The following TIAM1 variants were observed in gnomAD, a reference collection of about 807,000 sequenced individuals.
TIAM1 encodes the protein rho guanine nucleotide exchange factor TIAM1.
In TIAM1, 65 loss-of-function variants were observed where a neutral mutation model predicts 163.5. That is an observed-to-expected ratio of 0.40 (90% CI 0.33 to 0.49). The LOEUF (loss-of-function observed/expected upper bound fraction) is 0.49. Ranked by LOEUF, TIAM1 falls within the 20% of genes least tolerant of loss-of-function variation. The pLI, the probability that TIAM1 is intolerant of heterozygous loss-of-function variation, is 0.77. For synonymous variants in TIAM1, 833 were observed against 810.1 expected (o/e 1.03, Z -0.48); for missense variants, 1,789 against 2,044.7 (o/e 0.87, Z 2.41).
chr21:31,451,549 G>A (rs191102023), intron 2 of TIAM1, among the ~76,000 whole-genome samples: 59 of 152,206 alleles, frequency 3.9e-4, no homozygotes, highest in East Asian at 3.3e-3. Flanking sequence ...GAGCAAATGC[G>A]GTGGCTTGGG....
At chr21:31,229,274 T>C (rs1010899095) in intron 6 of TIAM1, among the ~76,000 whole-genome samples, 1 of 152,062 alleles carries the variant, frequency 6.6e-6, no homozygotes, top group Non-Finnish European at 1.5e-5. Context: ...GGTGCTGGTG[T>C]ATGACAGGGG....
At chr21:31,372,391 GCTGAAAAGGTTTGAA>G (rs1272091978) in intron 2 of TIAM1, among the ~76,000 whole-genome samples, 1 of 152,160 alleles carries the variant, frequency 6.6e-6, no homozygotes, top group African/African-American at 2.4e-5. Context: ...CCACTGTTAA[GCTGAAAAGGTTTGAA>G]CTGAGTGCCC....
intron 1 of TIAM1, among the ~76,000 whole-genome samples, chr21:31,515,882 C>T (rs897406342): frequency 1.3e-5 from 2 of 151,952 alleles, no homozygotes; most frequent in Non-Finnish European, 1.5e-5. Flanking sequence ...CCAAGGCAGG[C>T]GGATCACCTG....
At chr21:31,304,460 A>G (rs2074618955) in intron 2 of TIAM1, among the ~76,000 whole-genome samples, 1 of 152,238 alleles carries the variant, frequency 6.6e-6, no homozygotes, top group African/African-American at 2.4e-5. Flanking sequence ...GCTGCTTTTA[A>G]GAAATCCATC....
At chr21:31,256,745 C>T (rs897088826) in intron 4 of TIAM1, among the ~76,000 whole-genome samples, 10 of 152,108 alleles carry the variant, frequency 6.6e-5, no homozygotes, top group African/African-American at 2.4e-4. Flanking sequence ...CAATCCATGC[C>T]TCAATTTCTT....
rs563675437 is a variant in TIAM1 at position 31,340,940 on chromosome 21, G to A, written c.-368-1518C>T. On this transcript the variant is annotated intron_variant, in intron 1 of 27. Coordinates refer to ENST00000541036, the MANE Select transcript of TIAM1 (RefSeq NM_001353694.2). ...AAGAAATGGTAAGATAATCAACTAG[G>A]AAAACAAGATAAAAATACTGAAAAT... Among the ~76,000 whole-genome samples the A allele has an allele frequency of 8.5e-5, 13 of 152,070 alleles. No individual in the cohort carries two copies. In the East Asian group the frequency reaches 1.5e-3, roughly 18 times the overall value.
At chr21:31,189,215 CA>C (rs979102645) in intron 13 of TIAM1, among the ~76,000 whole-genome samples, 15 of 151,640 alleles carry the variant, frequency 9.9e-5, no homozygotes, top group African/African-American at 3.4e-4. Flanking sequence ...CCACCACACT[CA>C]GCTAATTTTT....
At chr21:31,373,706 G>A (rs1228300900) in intron 2 of TIAM1, among the ~76,000 whole-genome samples, 2 of 152,074 alleles carry the variant, frequency 1.3e-5, no homozygotes, top group Non-Finnish European at 2.9e-5. Context: ...GATGAGAGAA[G>A]AGTAATAAGC....
At chr21:31,174,006 G>A (rs1390909164) in intron 15 of TIAM1, among the ~76,000 whole-genome samples, 4 of 152,154 alleles carry the variant, frequency 2.6e-5, no homozygotes, top group African/African-American at 4.8e-5. Flanking sequence ...TACGAGGCGC[G>A]CGTGTCTCCA....
intron 2 of TIAM1, among the ~76,000 whole-genome samples, chr21:31,358,507 C>T (rs73193776): frequency 1.3e-5 from 2 of 152,318 alleles, no homozygotes; most frequent in Admixed American, 6.5e-5. Context: ...CGTACACCCT[C>T]TGGGTATCTT....
intron 1 of TIAM1, among the ~76,000 whole-genome samples, chr21:31,508,730 G>A (rs976989593): frequency 1.3e-5 from 2 of 152,108 alleles, no homozygotes; most frequent in Admixed American, 1.3e-4. Context: ...CCTGGCCTGT[G>A]GACCTGGGTC....
chr21:31,126,966 C>T (rs1568871307), intron 26 of TIAM1, 99 bp downstream of exon 26: 1 of 1,197,974 alleles, frequency 8.3e-7, no homozygotes, highest in Admixed American at 1.8e-5. Flanking sequence ...TGTTACAGTA[C>T]AAACAACGTA....
At chr21:31,375,259 C>T (rs1005334363) in intron 2 of TIAM1, among the ~76,000 whole-genome samples, 1 of 152,090 alleles carries the variant, frequency 6.6e-6, no homozygotes, top group African/African-American at 2.4e-5. Flanking sequence ...TTCCAATTAC[C>T]ACCAACATTC....
At chr21:31,152,786 C>G in intron 18 of TIAM1, 25 bp from the exon 19 acceptor site, 1 of 1,610,938 alleles carries the variant, frequency 6.2e-7, no homozygotes, top group Non-Finnish European at 8.5e-7. Flanking sequence ...GAATTTAATG[C>G]ACCTCATATC....
rs144890451 is a variant in TIAM1, at chr21:31,151,237, C to T, written c.3366+1399G>A. 4.7e-3 allele frequency among the ~76,000 whole-genome samples: 712 copies of T among 152,274 alleles called. 5 individuals are homozygous for T. Among genetic ancestry groups the T allele is most frequent in the African/African-American group, 0.016 (679 of 41,546 alleles). The stretch of plus-strand genomic sequence containing the variant: ...CCTGGGTACTTAAGAGAAATGAGAG[C>T]ATATATCCATACTAAAACTTGTACA... On this transcript the variant is annotated intron_variant, in intron 19 of 27. Transcript: ENST00000541036.
At chr21:31,392,845 A>G (rs1322085178) in intron 2 of TIAM1, among the ~76,000 whole-genome samples, 1 of 152,012 alleles carries the variant, frequency 6.6e-6, no homozygotes, top group African/African-American at 2.4e-5. Flanking sequence ...GCCATGTGAC[A>G]TGCTTGCCCC....
intron 15 of TIAM1, among the ~76,000 whole-genome samples, chr21:31,175,647 G>A (rs2084726021): frequency 6.6e-6 from 1 of 152,052 alleles, no homozygotes; most frequent in Non-Finnish European, 1.5e-5. Flanking sequence ...CGCCCAGGCT[G>A]GAATGCAATG....
At chr21:31,517,603 G>C (rs1234614701) in intron 1 of TIAM1, among the ~76,000 whole-genome samples, 1 of 152,132 alleles carries the variant, frequency 6.6e-6, no homozygotes, top group African/African-American at 2.4e-5. Context: ...TACAGTCACA[G>C]GCCAAGGAAT....
At chr21:31,407,848 G>C (rs2077274919) in intron 2 of TIAM1, among the ~76,000 whole-genome samples, 1 of 151,970 alleles carries the variant, frequency 6.6e-6, no homozygotes, top group African/African-American at 2.4e-5. Flanking sequence ...ATGTTGGCCA[G>C]GCTGGTTTTG....
Sources: gnomAD v4.1 joint callset for allele counts (sites outside exome capture counted in the v4.1 genomes callset) on GRCh38, gnomAD v4.1.1 for gene constraint, MANE v1.5 for transcripts, NCBI Gene and HGNC (gene_info 2026-07-23, HGNC 2026-07-21) for gene names.